The following MAGI2 variants were observed in gnomAD, a reference collection of about 807,000 sequenced individuals.
The protein encoded by MAGI2 is membrane-associated guanylate kinase, WW and PDZ domain-containing protein 2.
A neutral mutation model predicts 133.3 loss-of-function variants in MAGI2; 35 were observed. The observed-to-expected ratio is 0.26, with a 90% CI of 0.20 to 0.35. MAGI2 has a LOEUF of 0.35. Among genes scored for constraint, MAGI2 ranks in the 10% least tolerant of loss-of-function variants. The pLI is 1.00. For missense variants in MAGI2, 1,636 were observed against 1,863.4 expected, an observed-to-expected ratio of 0.88 and a Z score of 2.25; for synonymous variants, 729 against 710.6, an observed-to-expected ratio of 1.03 and a Z score of -0.41.
intron 1 of MAGI2, among the ~76,000 whole-genome samples, chr7:79,345,264 G>A (rs1841225044): frequency 6.6e-6 from 1 of 152,056 alleles, no homozygotes. Flanking sequence ...CTAACACCAT[G>A]TGAAGATGAT....
chr7:78,287,444 AGGAGGAG>A (rs1796258618), intron 9 of MAGI2, among the ~76,000 whole-genome samples: 2 of 152,300 alleles, frequency 1.3e-5, no homozygotes, highest in South Asian at 4.1e-4. Flanking sequence ...AGTCCATTGG[AGGAGGAG>A]CATATCATGT....
chr7:78,925,855 C>A (rs1368405939), intron 2 of MAGI2, among the ~76,000 whole-genome samples: 1 of 151,846 alleles, frequency 6.6e-6, no homozygotes, highest in Non-Finnish European at 1.5e-5. Flanking sequence ...TAGTATAACC[C>A]ATAAAAGCCA....
chr7:78,578,125 A>C (rs1418290284), intron 3 of MAGI2, among the ~76,000 whole-genome samples: 1 of 151,878 alleles, frequency 6.6e-6, no homozygotes, highest in Non-Finnish European at 1.5e-5. Context: ...GGCAGGATAT[A>C]ATTATATTTT....
intron 2 of MAGI2, among the ~76,000 whole-genome samples, chr7:78,794,657 C>A (rs776731454): frequency 6.7e-6 from 1 of 150,100 alleles, no homozygotes; most frequent in African/African-American, 2.4e-5. Context: ...TTGTTTTTCA[C>A]GAAAATTTGA....
At chr7:78,875,739 A>C (rs565519) in intron 2 of MAGI2, among the ~76,000 whole-genome samples, 82,360 of 151,882 alleles carry the variant, frequency 0.54, 24,143 homozygotes, top group Middle Eastern at 0.69. Context: ...TAATGAAGCA[A>C]ATGTAAAGTG....
intron 1 of MAGI2, among the ~76,000 whole-genome samples, chr7:79,338,101 C>A (rs775110538): frequency 2.6e-5 from 4 of 152,082 alleles, no homozygotes; most frequent in Non-Finnish European, 5.9e-5. Flanking sequence ...TACTTTTGCA[C>A]TTTTGGATTT....
chr7:78,851,846 A>G (rs1793165239), intron 2 of MAGI2, among the ~76,000 whole-genome samples: 1 of 152,174 alleles, frequency 6.6e-6, no homozygotes, highest in Non-Finnish European at 1.5e-5. Flanking sequence ...GTGCAGCTAT[A>G]AACATCCTTG....
At chr7:78,670,709 G>T (rs192075666) in intron 2 of MAGI2, among the ~76,000 whole-genome samples, 1 of 152,122 alleles carries the variant, frequency 6.6e-6, no homozygotes, top group African/African-American at 2.4e-5. Flanking sequence ...GCATGGTACC[G>T]GTACCAAAAC....
At chr7:78,654,265 T>C (rs191413175) in intron 2 of MAGI2, among the ~76,000 whole-genome samples, 84 of 152,306 alleles carry the variant, frequency 5.5e-4, no homozygotes, top group Middle Eastern at 6.8e-3. Context: ...AAAACTGGGA[T>C]AACATACTAC....
At chr7:78,255,893 T>C in intron 10 of MAGI2, 50 bp downstream of exon 10, 1 of 1,534,296 alleles carries the variant, frequency 6.5e-7, no homozygotes, top group African/African-American at 1.4e-5. Flanking sequence ...TATTAAATGA[T>C]CCTACTATTT....
intron 8 of MAGI2, among the ~76,000 whole-genome samples, chr7:78,344,342 T>C (rs983660047): frequency 6.6e-6 from 1 of 152,170 alleles, no homozygotes; most frequent in Non-Finnish European, 1.5e-5. Context: ...CCTGTTGTTA[T>C]TGTGAAAGAT....
intron 1 of MAGI2, among the ~76,000 whole-genome samples, chr7:79,298,362 G>T (rs1474112886): frequency 2.0e-5 from 3 of 152,064 alleles, no homozygotes; most frequent in African/African-American, 4.8e-5. Context: ...TCACTTGGTG[G>T]CAGCATAACA....
intron 20 of MAGI2, among the ~76,000 whole-genome samples, chr7:78,116,031 A>T (rs4412309): frequency 0.83 from 126,475 of 152,186 alleles, 52,946 homozygotes; most frequent in Non-Finnish European, 0.88. Flanking sequence ...CTTTCCAAGC[A>T]CACATGGATC....
chr7:79,227,270 C>T (rs770912931), intron 1 of MAGI2, among the ~76,000 whole-genome samples: 2 of 152,182 alleles, frequency 1.3e-5, no homozygotes, highest in Non-Finnish European at 2.9e-5. Flanking sequence ...GTCAGTTTTG[C>T]ATGACTCATT....
chr7:78,927,366 C>G (rs1270598826), intron 2 of MAGI2, among the ~76,000 whole-genome samples: 2 of 151,936 alleles, frequency 1.3e-5, no homozygotes, highest in African/African-American at 2.4e-5. Flanking sequence ...AATGTTGACT[C>G]TAGGTATTAA....
At chr7:79,136,003 G>GAGAGAGAA (rs1821412653) in intron 1 of MAGI2, among the ~76,000 whole-genome samples, 3 of 40,920 alleles carry the variant, frequency 7.3e-5, no homozygotes, top group Admixed American at 2.9e-4. Context: ...AAGAAAGAAA[G>GAGAGAGAA]AGAAAGAAAG....
intron 3 of MAGI2, among the ~76,000 whole-genome samples, chr7:78,543,037 C>G (rs905307472): frequency 1.1e-4 from 16 of 152,120 alleles, no homozygotes; most frequent in Admixed American, 1.0e-3. Context: ...TTCCTAAGCC[C>G]AAACTGATGA....
chr7:79,373,052 A>T (rs1843151835), intron 1 of MAGI2, among the ~76,000 whole-genome samples: 1 of 152,122 alleles, frequency 6.6e-6, no homozygotes, highest in Non-Finnish European at 1.5e-5. Flanking sequence ...ATTTCAGGTC[A>T]ACAGGAGAGA....
At chr7:78,298,354 A>ATAAAG (rs754482467) in intron 9 of MAGI2, among the ~76,000 whole-genome samples, 25 of 152,374 alleles carry the variant, frequency 1.6e-4, no homozygotes, top group Non-Finnish European at 3.4e-4. Flanking sequence ...GGAAATCTTA[A>ATAAAG]TAAAGTATAG....
Sources: allele counts gnomAD v4.1 joint callset (sites outside exome capture counted in the v4.1 genomes callset), GRCh38; gene constraint gnomAD v4.1.1; transcripts MANE v1.5; gene names NCBI Gene and HGNC (gene_info 2026-07-23, HGNC 2026-07-21).